The following CYTH3 variants were observed in gnomAD, a reference collection of about 807,000 sequenced individuals.
The protein encoded by CYTH3 is cytohesin 3, also known as cytohesin-3.
CYTH3 carries 23 observed loss-of-function variants against 55.1 expected under a neutral mutation model. The ratio of observed to expected loss-of-function variants is 0.42; its 90% CI spans 0.30 to 0.59. CYTH3 has a LOEUF of 0.59. CYTH3 is among the 20% of genes least tolerant of loss of function. The pLI, the probability that CYTH3 is intolerant of heterozygous loss-of-function variation, is 0.20. For missense variants in CYTH3, 413 were observed against 524.8 expected, an observed-to-expected ratio of 0.79 and a Z score of 2.08; for synonymous variants, 249 against 194.9, an observed-to-expected ratio of 1.28 and a Z score of -2.31.
chr7:6,217,390 T>C (rs987311106), intron 1 of CYTH3, among the ~76,000 whole-genome samples: 21 of 152,108 alleles, frequency 1.4e-4, no homozygotes, highest in Admixed American at 6.6e-4. Context: ...GAAAAAGATA[T>C]CATGCAAACA....
At chr7:6,242,959 ACAATG>A (rs1779712835) in intron 1 of CYTH3, among the ~76,000 whole-genome samples, 1 of 152,142 alleles carries the variant, frequency 6.6e-6, no homozygotes, top group Non-Finnish European at 1.5e-5. Flanking sequence ...CCTGGGTTCC[ACAATG>A]CAAGTTTCAC....
Position 6,170,931 on chromosome 7 carries a change from G to C in CYTH3, c.610C>G (p.Leu204Val). Residue 204 changes from leucine (L) to valine (V), a missense_variant, in exon 8 of 13, where the codon CTC (leucine) becomes GTC (valine). Coordinates refer to ENST00000350796, the MANE Select transcript of CYTH3 (RefSeq NM_004227.4). The surrounding 1 kb of genome is among the most constrained non-coding windows in gnomAD (Gnocchi z 7.8). ...SFAIIMLNTS[L>V]HNHNVRDKPT... The stretch of plus-strand genomic sequence containing the variant: ...TTGTCACGCACGTTGTGGTTGTGGA[G>C]GCTGGTGTTGAGCATGATGATGGCG... 6.2e-7 allele frequency: 1 copy of C among 1,614,058 alleles called. No homozygotes were observed. Among genetic ancestry groups the C allele is most frequent in the Non-Finnish European group, 8.5e-7 (1 of 1,179,952 alleles).
chr7:6,247,701 T>C (rs1228265079), intron 1 of CYTH3, among the ~76,000 whole-genome samples: 1 of 152,162 alleles, frequency 6.6e-6, no homozygotes, highest in African/African-American at 2.4e-5. Context: ...TGGAGTGCAG[T>C]GCTACAATCA....
intron 4 of CYTH3, among the ~76,000 whole-genome samples, chr7:6,179,439 A>T (rs1252450343): frequency 6.6e-6 from 1 of 152,096 alleles, no homozygotes; most frequent in Non-Finnish European, 1.5e-5. Context: ...ATTAATTTAT[A>T]AAGATTCTTC....
At chr7:6,172,784 C>T (rs1248764278) in intron 6 of CYTH3, 2 of 1,278,772 alleles carry the variant, frequency 1.6e-6, no homozygotes, top group South Asian at 1.3e-5. Context: ...ATCTGATAAG[C>T]CTGAACTGCG....
At position 6,259,803 on chromosome 7, in the gene CYTH3, ATATATATATAAT is replaced by A. The variant is rs1390677234; in HGVS notation, c.34+12659_34+12670del. 6.4e-3 allele frequency among the ~76,000 whole-genome samples: 156 copies of A among 24,242 alleles called. 3 individuals are homozygous for A. Among genetic ancestry groups the A allele is most frequent in the Non-Finnish European group, 6.9e-3 (119 of 17,214 alleles). The allele number at this position is 24,242 out of a possible 152,430, so 15.9% of individuals were successfully genotyped here. A position where few individuals can be genotyped will look rare whatever the true frequency, so the allele number is the denominator to read the frequency against. On this transcript the variant is annotated intron_variant, in intron 1 of 12. Coordinates refer to ENST00000350796, the MANE Select transcript of CYTH3 (RefSeq NM_004227.4). ...ATATATAATATATATATATATATAT[ATATATATATAAT>A]ATATATATATATATATATTTTTTTT...
chr7:6,260,438 C>A (rs1780325056), intron 1 of CYTH3, among the ~76,000 whole-genome samples: 1 of 151,934 alleles, frequency 6.6e-6, no homozygotes, highest in Non-Finnish European at 1.5e-5. Context: ...TGAGCTCCAG[C>A]CACTCAGGCT....
intron 9 of CYTH3, 30 bp from the exon 10 acceptor site, chr7:6,165,840 G>C (rs368872213): frequency 6.2e-7 from 1 of 1,611,998 alleles, no homozygotes; most frequent in South Asian, 1.1e-5. Flanking sequence ...GTGAGTCTGC[G>C]CTCCGTGCAC....
At chr7:6,199,953 T>C (rs1256543344) in intron 1 of CYTH3, among the ~76,000 whole-genome samples, 1 of 152,208 alleles carries the variant, frequency 6.6e-6, no homozygotes, top group African/African-American at 2.4e-5. Context: ...ATATAAATCC[T>C]AAACCAACCA....
At chr7:6,204,164 A>T (rs1429691744) in intron 1 of CYTH3, among the ~76,000 whole-genome samples, 4 of 152,204 alleles carry the variant, frequency 2.6e-5, no homozygotes, top group Non-Finnish European at 5.9e-5. Context: ...TTTCTTCTTA[A>T]TGGAACATAA....
At chr7:6,257,845 T>C (rs1326835380) in intron 1 of CYTH3, among the ~76,000 whole-genome samples, 3 of 152,000 alleles carry the variant, frequency 2.0e-5, no homozygotes, top group Admixed American at 6.6e-5. Flanking sequence ...TGACAGGAAG[T>C]GTGGAGGTAG....
intron 4 of CYTH3, among the ~76,000 whole-genome samples, chr7:6,182,424 C>T (rs182417703): frequency 2.0e-5 from 3 of 152,322 alleles, no homozygotes; most frequent in East Asian, 1.9e-4. Context: ...TCACAGCTCA[C>T]CGCAGCCTCA....
chr7:6,199,975 T>A (rs552353093), intron 1 of CYTH3, among the ~76,000 whole-genome samples: 1 of 152,324 alleles, frequency 6.6e-6, no homozygotes, highest in East Asian at 1.9e-4. Context: ...TAACAAAGTG[T>A]GCAATAATAT....
At chr7:6,185,139 T>C (rs1441831372) in intron 4 of CYTH3, among the ~76,000 whole-genome samples, 1 of 152,188 alleles carries the variant, frequency 6.6e-6, no homozygotes, top group African/African-American at 2.4e-5. Context: ...CATTTCCAAA[T>C]TCACAAAATT....
At chr7:6,180,748 A>G (rs1464456317) in intron 4 of CYTH3, among the ~76,000 whole-genome samples, 1 of 152,252 alleles carries the variant, frequency 6.6e-6, no homozygotes, top group African/African-American at 2.4e-5. Flanking sequence ...ACCATTTAAA[A>G]GTCAAACAGC....
rs902915827 is a variant in CYTH3, at chr7:6,164,844, C to G, written c.*100G>C. On this transcript the variant is annotated 3_prime_UTR_variant, in exon 13 of 13. Coordinates refer to ENST00000350796, the MANE Select transcript of CYTH3 (RefSeq NM_004227.4). ...TGCTCTGGAGCAGCAGCTTGCACCG[C>G]AGGGCGACTGCCTCCCTGCCACGCC... 1 of 1,330,736 alleles carries G rather than the reference C, an allele frequency of 7.5e-7. No individual in the cohort carries two copies. The highest frequency in any genetic ancestry group is 2.3e-5 in the East Asian group (1 of 43,526). The allele number at this position is 1,330,736 out of a possible 1,614,324, so 82.4% of individuals were successfully genotyped here. A position where few individuals can be genotyped will look rare whatever the true frequency, so the allele number is the denominator to read the frequency against.
chr7:6,179,044 C>T (rs571738994), intron 4 of CYTH3, among the ~76,000 whole-genome samples: 1 of 152,342 alleles, frequency 6.6e-6, no homozygotes, highest in East Asian at 1.9e-4. Flanking sequence ...AAGACCAGGG[C>T]TGCCTCATAC....
intron 1 of CYTH3, among the ~76,000 whole-genome samples, chr7:6,200,127 C>T (rs1261149466): frequency 6.6e-6 from 1 of 152,170 alleles, no homozygotes; most frequent in Non-Finnish European, 1.5e-5. Context: ...GAGATTGTCA[C>T]AGATACTCAT....
intron 1 of CYTH3, among the ~76,000 whole-genome samples, chr7:6,200,255 G>A (rs1004736252): frequency 2.0e-5 from 3 of 152,122 alleles, no homozygotes; most frequent in African/African-American, 7.2e-5. Context: ...CAGCTTTCTA[G>A]TTTACTGCTA....
Sources: allele counts gnomAD v4.1 joint callset (sites outside exome capture counted in the v4.1 genomes callset), GRCh38; gene constraint gnomAD v4.1.1; non-coding constraint Gnocchi (gnomAD v3.1); transcripts MANE v1.5; gene names NCBI Gene and HGNC (gene_info 2026-07-23, HGNC 2026-07-21).